Variants in LTBP1 observed in about 807,000 individuals in gnomAD.
The protein encoded by LTBP1 is latent-transforming growth factor beta-binding protein 1.
A neutral mutation model predicts 207.6 loss-of-function variants in LTBP1; 129 were observed. That is an observed-to-expected ratio of 0.62 (90% CI 0.54 to 0.72). LTBP1 has a LOEUF of 0.72. Ranked by LOEUF, LTBP1 falls within the 30% of genes least tolerant of loss-of-function variation. The pLI is 0.00. For synonymous variants in LTBP1, 963 were observed against 833.7 expected (o/e 1.16, Z -2.67); for missense variants, 2,281 against 2,217.2 (o/e 1.03, Z -0.58).
intron 2 of LTBP1, among the ~76,000 whole-genome samples, chr2:32,994,654 A>T (rs1168953980): frequency 6.6e-6 from 1 of 151,898 alleles, no homozygotes; most frequent in Non-Finnish European, 1.5e-5. Context: ...TTTAATAGAG[A>T]CGGGGTTTCT....
chr2:33,159,854 A>T (rs78011338), intron 5 of LTBP1, among the ~76,000 whole-genome samples: 5,050 of 152,256 alleles, frequency 0.033, 110 homozygotes, highest in Middle Eastern at 0.13. Flanking sequence ...ACCGATTAGA[A>T]AACTGAGGCC....
chr2:33,040,712 G>A (rs933543632), intron 3 of LTBP1, among the ~76,000 whole-genome samples: 5 of 152,322 alleles, frequency 3.3e-5, no homozygotes, highest in Admixed American at 6.5e-5. Flanking sequence ...ACTTGTGACA[G>A]GAGACATTCA....
intron 24 of LTBP1, among the ~76,000 whole-genome samples, chr2:33,331,417 G>A (rs1467999954): frequency 6.6e-6 from 1 of 151,704 alleles, no homozygotes; most frequent in East Asian, 1.9e-4. Context: ...GTTGTATTTT[G>A]TTATTTACAT....
At chr2:33,387,294 G>A (rs1025918314) in intron 31 of LTBP1, among the ~76,000 whole-genome samples, 2 of 152,198 alleles carry the variant, frequency 1.3e-5, no homozygotes, top group African/African-American at 4.8e-5. Context: ...CAGCAATCTT[G>A]CTCTCGCAAA....
At chr2:33,092,231 C>T (rs899947222) in intron 3 of LTBP1, among the ~76,000 whole-genome samples, 1 of 152,164 alleles carries the variant, frequency 6.6e-6, no homozygotes, top group African/African-American at 2.4e-5. Flanking sequence ...TCACAGAATT[C>T]CAAGGCACCC....
chr2:33,373,714 T>A (rs1288906843), intron 31 of LTBP1, among the ~76,000 whole-genome samples: 2 of 152,196 alleles, frequency 1.3e-5, no homozygotes, highest in African/African-American at 4.8e-5. Context: ...GTTTTCAGTT[T>A]TAGTTAAATT....
chr2:33,368,167 A>T (rs1426787844), intron 31 of LTBP1, among the ~76,000 whole-genome samples: 1 of 152,102 alleles, frequency 6.6e-6, no homozygotes, highest in Non-Finnish European at 1.5e-5. Flanking sequence ...AGATCGCGCC[A>T]CTGCACTCCA....
At chr2:33,017,280 A>G (rs1688517522) in intron 2 of LTBP1, among the ~76,000 whole-genome samples, 1 of 152,232 alleles carries the variant, frequency 6.6e-6, no homozygotes, top group South Asian at 2.1e-4. Flanking sequence ...TACAGCATGA[A>G]AGCTTGCAAG....
Position 33,188,776 on chromosome 2 carries a change from G to A in LTBP1, c.1626G>A (p.Gln542=). 1.2e-6 allele frequency: 2 copies of A among 1,614,122 alleles called. No homozygotes were observed. The highest frequency in any genetic ancestry group is 1.7e-6 in the Non-Finnish European group (2 of 1,180,034). Residue 542 remains glutamine, a synonymous_variant, in exon 7 of 34, where the codon CAG becomes CAA. Coordinates refer to ENST00000404816, the MANE Select transcript of LTBP1 (RefSeq NM_206943.4). ...TACATTCCACATACTCCCACCAGCA[G>A]GTCATTCCTCACGTCTACCCCGTGG... The part of the protein sequence containing the change: ...QTIHSTYSHQ[Q]VIPHVYPVAA...
At chr2:33,294,435 G>C (rs2093834559) in intron 20 of LTBP1, among the ~76,000 whole-genome samples, 1 of 151,860 alleles carries the variant, frequency 6.6e-6, no homozygotes, top group South Asian at 2.1e-4. Flanking sequence ...GACCTCGGGT[G>C]ATCTGCCCAC....
chr2:33,131,174 A>G (rs145475067), intron 4 of LTBP1, among the ~76,000 whole-genome samples: 98 of 152,212 alleles, frequency 6.4e-4, no homozygotes, highest in Non-Finnish European at 1.1e-3. Context: ...TGTCTATTCC[A>G]CAATTATTGG....
chr2:33,380,652 C>T (rs1050426074), intron 31 of LTBP1, among the ~76,000 whole-genome samples: 6 of 152,002 alleles, frequency 3.9e-5, no homozygotes, highest in Non-Finnish European at 5.9e-5. Flanking sequence ...GTCTTATTGC[C>T]TCATTTTGCC....
rs2095379275 is a variant in LTBP1, at chr2:33,398,381, G to A, written c.5002G>A (p.Glu1668Lys). ...TATTGCAGATGTAAATGAATGCGAT[G>A]AGTTGAACAACCGGATGTCTCTCTG... ...MTCVDVNECD[E>K]LNNRMSLCKN... Residue 1668 changes from glutamate (E) to lysine (K), a missense_variant, in exon 34 of 34, where the codon GAG becomes AAG. Around this residue, in one of 3 missense-constraint regions of LTBP1, gnomAD observed 1,671 missense variants for 1,634.8 expected, o/e 1.02. Coordinates refer to ENST00000404816, the MANE Select transcript of LTBP1 (RefSeq NM_206943.4). The A allele has an allele frequency of 6.2e-7, 1 of 1,613,896 alleles. No homozygotes were observed. The highest frequency in any genetic ancestry group is 8.5e-7 in the Non-Finnish European group (1 of 1,179,868).
At chr2:33,397,650 G>A (rs2095371500) in intron 33 of LTBP1, among the ~76,000 whole-genome samples, 1 of 149,720 alleles carries the variant, frequency 6.7e-6, no homozygotes, top group Non-Finnish European at 1.5e-5. Flanking sequence ...TGGGACTACA[G>A]GCACCCGCCA....
chr2:33,396,599 C>G (rs997998793), intron 32 of LTBP1, among the ~76,000 whole-genome samples: 2 of 152,122 alleles, frequency 1.3e-5, no homozygotes, highest in African/African-American at 4.8e-5. Flanking sequence ...TCCTTTGATC[C>G]CCTGGGAGCC....
chr2:33,180,453 AG>A (rs1207184123), intron 5 of LTBP1, among the ~76,000 whole-genome samples: 1 of 122,772 alleles, frequency 8.1e-6, no homozygotes, highest in Non-Finnish European at 1.7e-5. Flanking sequence ...AGCGTGGCAT[AG>A]TTTTTTTTTT....
At chr2:32,961,924 A>G (rs1679177456) in intron 2 of LTBP1, among the ~76,000 whole-genome samples, 1 of 150,798 alleles carries the variant, frequency 6.6e-6, no homozygotes, top group Non-Finnish European at 1.5e-5. Flanking sequence ...CAGCCTGGGC[A>G]ACAATAGTGA....
At chr2:33,075,378 A>T (rs189884955) in intron 3 of LTBP1, among the ~76,000 whole-genome samples, 20 of 152,216 alleles carry the variant, frequency 1.3e-4, no homozygotes, top group Non-Finnish European at 2.5e-4. Flanking sequence ...AACCTTAGGT[A>T]TACATTTTGA....
intron 2 of LTBP1, among the ~76,000 whole-genome samples, chr2:33,006,470 G>A (rs1320525077): frequency 7.2e-6 from 1 of 139,412 alleles, no homozygotes; most frequent in East Asian, 2.1e-4. Context: ...TGCACCCTCC[G>A]CCTCCCGGTT....
Sources: allele counts gnomAD v4.1 joint callset (sites outside exome capture counted in the v4.1 genomes callset), GRCh38; gene constraint gnomAD v4.1.1; regional missense constraint gnomAD v4.1.1; transcripts MANE v1.5; gene names NCBI Gene and HGNC (gene_info 2026-07-23, HGNC 2026-07-21).